CCDC171: variants seen among roughly 807,000 people sequenced by gnomAD.
CCDC171 encodes the protein coiled-coil domain containing 171, also known as coiled-coil domain-containing protein 171.
In CCDC171, 177 loss-of-function variants were observed where a neutral mutation model predicts 168.2. That is an observed-to-expected ratio of 1.05 (90% confidence interval 0.93 to 1.19). The LOEUF (loss-of-function observed/expected upper bound fraction) is 1.19. Among genes scored for constraint, CCDC171 ranks in the 50% most tolerant of loss-of-function variants. The probability of loss-of-function intolerance (pLI) is 0.00; values close to 1 mark genes in which losing one functional copy is unlikely to be tolerated. For synonymous variants in CCDC171, 687 were observed against 540.8 expected, an observed-to-expected ratio of 1.27 and a Z score of -3.75; for missense variants, 1,991 against 1,539.0, an observed-to-expected ratio of 1.29 and a Z score of -4.91.
At chr9:15,692,908 G>C (rs1203885318) in intron 10 of CCDC171, among the ~76,000 whole-genome samples, 15 of 151,858 alleles carry the variant, frequency 9.9e-5, no homozygotes. Flanking sequence ...AGGCCGAGAC[G>C]GGTGGATCAC....
chr9:15,612,852 C>A (rs2043803196), intron 6 of CCDC171, among the ~76,000 whole-genome samples: 1 of 152,006 alleles, frequency 6.6e-6, no homozygotes, highest in Non-Finnish European at 1.5e-5. Flanking sequence ...TTTGTTTTTC[C>A]CACTGAACAT....
chr9:15,988,137 G>C (rs1832056739), intron 3 of CCDC171, among the ~76,000 whole-genome samples: 1 of 152,108 alleles, frequency 6.6e-6, no homozygotes, highest in Non-Finnish European at 1.5e-5. Context: ...GGGTAACTAA[G>C]CAGTACAGTA....
chr9:15,851,628 A>G (rs371680047), intron 23 of CCDC171, among the ~76,000 whole-genome samples: 1 of 151,662 alleles, frequency 6.6e-6, no homozygotes, highest in Admixed American at 6.6e-5. Flanking sequence ...TAACCATTTT[A>G]AAGTGCACAG....
At position 15,608,438 on chromosome 9, in the gene CCDC171, AAG is replaced by A. The variant is rs200612270; in HGVS notation, c.675+14269_675+14270del. 8.3e-3 allele frequency among the ~76,000 whole-genome samples: 1,261 copies of A among 152,316 alleles called. 6 individuals are homozygous for A. Among genetic ancestry groups the A allele is most frequent in the Non-Finnish European group, 0.014 (973 of 68,024 alleles). ...TTAAGTGGGTGTAACAATTTCAAAG[AAG>A]AGTTTCTCTTCCTTTACAGCCTCTT... is the stretch of plus-strand genomic sequence containing the variant. On this transcript the variant is annotated intron_variant, in intron 6 of 25. Coordinates refer to ENST00000380701, the MANE Select transcript of CCDC171 (RefSeq NM_173550.4).
At chr9:16,079,469 G>A in the CCDC171 span, among the ~76,000 whole-genome samples, 1 of 152,230 alleles carries the variant, frequency 6.6e-6, no homozygotes, top group African/African-American at 2.4e-5. Context: ...ACCGTGTGAG[G>A]ATGAAGGCAG....
At chr9:16,029,070 T>G (rs1036421193) in intron 6 of CCDC171, among the ~76,000 whole-genome samples, 1 of 152,010 alleles carries the variant, frequency 6.6e-6, no homozygotes, top group African/African-American at 2.4e-5. Context: ...AGTGTCCAAA[T>G]GGAAGACGGC....
Position 15,721,603 on chromosome 9 carries a change from C to A in CCDC171, c.1319-166C>A, listed in dbSNP as rs1409195200. On this transcript the variant is annotated intron_variant, in intron 11 of 25. Transcript: ENST00000380701. ...AGCAGTATACTTGGAGAATAAAATT[C>A]TATTCAAGAATTTTATTCTCCAAGT... Among the ~76,000 whole-genome samples, 3 of 145,248 alleles carry A rather than the reference C, an allele frequency of 2.1e-5. No homozygotes were observed. In the South Asian group the frequency reaches 6.7e-4, roughly 32 times the overall value.
chr9:15,623,475 G>GCGCGCGCGCGCCCGCGCGCACACACA, intron 7 of CCDC171, 62 bp downstream of exon 7: 1 of 293,710 alleles, frequency 3.4e-6, no homozygotes. Flanking sequence ...GCGCGCGCGC[G>GCGCGCGCGCGCCCGCGCGCACACACA]CACACACACA....
At chr9:15,732,034 T>C (rs138468922) in intron 16 of CCDC171, among the ~76,000 whole-genome samples, 14 of 152,188 alleles carry the variant, frequency 9.2e-5, no homozygotes, top group African/African-American at 2.9e-4. Flanking sequence ...ATTTAAAAAA[T>C]AGAGATATTT....
At chr9:15,641,245 A>T (rs1011386262) in intron 7 of CCDC171, among the ~76,000 whole-genome samples, 1 of 152,166 alleles carries the variant, frequency 6.6e-6, no homozygotes, top group African/African-American at 2.4e-5. Flanking sequence ...CTAACATACA[A>T]CACACTCCTG....
chr9:16,042,159 C>T (rs1391029111), upstream of CCDC171, among the ~76,000 whole-genome samples: 1 of 152,160 alleles, frequency 6.6e-6, no homozygotes, highest in Non-Finnish European at 1.5e-5. Flanking sequence ...ATCCAGGCAG[C>T]CTCTCTGGAA....
At chr9:15,767,275 G>C (rs1000056871) in intron 18 of CCDC171, among the ~76,000 whole-genome samples, 1 of 152,104 alleles carries the variant, frequency 6.6e-6, no homozygotes, top group African/African-American at 2.4e-5. Context: ...AGGCTGTAAG[G>C]GTGAATCTGA....
chr9:15,849,285 C>G (rs1049516572), intron 23 of CCDC171, among the ~76,000 whole-genome samples: 1 of 151,180 alleles, frequency 6.6e-6, no homozygotes, highest in Non-Finnish European at 1.5e-5. Flanking sequence ...AGTGTCTAAC[C>G]TCTTACCACT....
downstream of CCDC171, among the ~76,000 whole-genome samples, chr9:16,065,183 C>A (rs1029833781): frequency 2.6e-5 from 4 of 152,172 alleles, no homozygotes; most frequent in Non-Finnish European, 5.9e-5. Context: ...CATAAGGGAA[C>A]CTTTTTAGTC....
At chr9:16,107,699 T>C in the CCDC171 span, among the ~76,000 whole-genome samples, 2 of 152,178 alleles carry the variant, frequency 1.3e-5, no homozygotes, top group African/African-American at 4.8e-5. Context: ...TCTTAACCCC[T>C]AAATATTTTA....
At chr9:16,021,322 G>A (rs929989043) in intron 4 of CCDC171, among the ~76,000 whole-genome samples, 20 of 152,142 alleles carry the variant, frequency 1.3e-4, no homozygotes, top group African/African-American at 3.6e-4. Context: ...TCTTGACCTC[G>A]TGATCCACCT....
intron 21 of CCDC171, among the ~76,000 whole-genome samples, chr9:15,800,110 C>G (rs2135765200): frequency 6.6e-6 from 1 of 152,150 alleles, no homozygotes; most frequent in South Asian, 2.1e-4. Flanking sequence ...ATACCAATTT[C>G]CCTTCTTTTG....
At chr9:15,776,456 A>G (rs920447488) in intron 18 of CCDC171, among the ~76,000 whole-genome samples, 7 of 152,234 alleles carry the variant, frequency 4.6e-5, no homozygotes, top group African/African-American at 1.7e-4. Context: ...TGATGCATCA[A>G]TAACTGATTG....
downstream of CCDC171, among the ~76,000 whole-genome samples, chr9:15,975,022 G>A (rs1831577618): frequency 6.6e-6 from 1 of 152,094 alleles, no homozygotes; most frequent in Non-Finnish European, 1.5e-5. Flanking sequence ...TCCCACCTCA[G>A]CCTCCTGAGT....
Sources: allele counts gnomAD v4.1 joint callset (sites outside exome capture counted in the v4.1 genomes callset), GRCh38; gene constraint gnomAD v4.1.1; transcripts MANE v1.5; gene names NCBI Gene and HGNC (gene_info 2026-07-23, HGNC 2026-07-21).